Variants in ANXA5 observed in about 807,000 individuals in gnomAD.
ANXA5 encodes CBP-I.
ANXA5 carries 40 observed loss-of-function variants against 48.1 expected under a neutral mutation model. The observed-to-expected ratio is 0.83, with a 90% CI of 0.65 to 1.08. The LOEUF (loss-of-function observed/expected upper bound fraction) is 1.08, where lower values mean the gene tolerates loss of function less well. Among genes scored for constraint, ANXA5 ranks in the 50% least tolerant of loss-of-function variants. ANXA5 has a pLI of 0.00. For missense variants in ANXA5, 357 were observed against 376.8 expected, an observed-to-expected ratio of 0.95 and a Z score of 0.44; for synonymous variants, 113 against 129.1, an observed-to-expected ratio of 0.88 and a Z score of 0.85.
At chr4:121,690,863 A>C (rs964743937) in intron 2 of ANXA5, among the ~76,000 whole-genome samples, 2 of 152,256 alleles carry the variant, frequency 1.3e-5, no homozygotes, top group African/African-American at 4.8e-5. Context: ...AGTCAGAGTC[A>C]TCCACTAAGG....
chr4:121,693,582 T>C (rs546024379), intron 2 of ANXA5, among the ~76,000 whole-genome samples: 1 of 152,350 alleles, frequency 6.6e-6, no homozygotes, highest in East Asian at 1.9e-4. Flanking sequence ...ATCACCTATG[T>C]AGGCCTTCCA....
chr4:121,682,395 A>G (rs976154928), intron 5 of ANXA5, among the ~76,000 whole-genome samples: 1 of 152,124 alleles, frequency 6.6e-6, no homozygotes, highest in African/African-American at 2.4e-5. Flanking sequence ...GATTAAACTA[A>G]GAGATGCAAC....
Position 121,678,468 on chromosome 4 carries a change from C to A in ANXA5, c.421G>T (p.Val141Leu), listed in dbSNP as rs146310531. The A allele has an allele frequency of 1.2e-6, 2 of 1,613,770 alleles. No homozygotes were observed. Among genetic ancestry groups the A allele is most frequent in the South Asian group, 2.2e-5 (2 of 90,998 alleles). ...TAGTACCCTGAAGTGTCCCCCACCA[C>A]GTCATCTTCCAGGCTTGAGCCATAT... ...EEYGSSLEDD[V>L]VGDTSGYYQR... Residue 141 changes from valine to leucine, a missense_variant, in exon 7 of 13, where the codon GTG (valine) becomes TTG (leucine). Coordinates refer to ENST00000296511, the MANE Select transcript of ANXA5 (RefSeq NM_001154.4).
chr4:121,676,680 C>CT (rs534033807), intron 8 of ANXA5, among the ~76,000 whole-genome samples: 4 of 97,816 alleles, frequency 4.1e-5, no homozygotes, highest in South Asian at 3.6e-4. Context: ...AGCCTGGGGG[C>CT]GGGGGGGGGT....
chr4:121,694,056 C>A (rs1279942682), intron 2 of ANXA5, among the ~76,000 whole-genome samples: 1 of 131,548 alleles, frequency 7.6e-6, no homozygotes, highest in Non-Finnish European at 1.6e-5. Context: ...AACACTTGGA[C>A]ACAGAAAGGG....
chr4:121,678,633 G>C, intron 6 of ANXA5, 139 bp from the exon 7 acceptor site: 1 of 734,316 alleles, frequency 1.4e-6, no homozygotes, highest in Non-Finnish European at 2.2e-6. Flanking sequence ...TTCCATCTCT[G>C]AATGCTCTAA....
chr4:121,686,158 G>T, intron 3 of ANXA5, 130 bp downstream of exon 3: 59 of 640,606 alleles, frequency 9.2e-5, no homozygotes, highest in East Asian at 1.7e-4. Flanking sequence ...GTATTATTTT[G>T]TTATCTTAAC....
intron 11 of ANXA5, 96 bp downstream of exon 11, chr4:121,669,858 A>C: frequency 6.9e-7 from 1 of 1,452,164 alleles, no homozygotes; most frequent in Non-Finnish European, 9.5e-7. Flanking sequence ...TAAGGGAAAA[A>C]TTCCCAAGGT....
intron 10 of ANXA5, among the ~76,000 whole-genome samples, chr4:121,671,064 T>A (rs1270185458): frequency 6.6e-6 from 1 of 152,228 alleles, no homozygotes. Flanking sequence ...TCTGAATATT[T>A]AATTAAAATA....
chr4:121,677,963 A>T lies in ANXA5; in HGVS notation c.475-13T>A, dbSNP rs756777843. On this transcript the variant is annotated splice_polypyrimidine_tract_variant and intron_variant, in intron 7 of 12. Coordinates refer to ENST00000296511, the MANE Select transcript of ANXA5 (RefSeq NM_001154.4). ...GGTCTCTGTTAGCCTATGAGAGGTA[A>T]TATGTCACATTACTGAACTATAGAG... The T allele has an allele frequency of 6.2e-7, 1 of 1,610,696 alleles. No homozygotes were observed. The highest frequency in any genetic ancestry group is 1.3e-5 in the African/African-American group (1 of 74,842).
intron 1 of ANXA5, 68 bp from the exon 2 acceptor site, chr4:121,696,692 C>A: frequency 9.1e-7 from 1 of 1,095,132 alleles, no homozygotes; most frequent in South Asian, 3.7e-5. Flanking sequence ...AAGCGCAGGT[C>A]CGCGGGGACC....
intron 2 of ANXA5, among the ~76,000 whole-genome samples, chr4:121,687,512 G>A (rs1724913550): frequency 6.6e-6 from 1 of 152,046 alleles, no homozygotes; most frequent in South Asian, 2.1e-4. Flanking sequence ...AGCTAGCCTC[G>A]TTTACAATCT....
intron 9 of ANXA5, among the ~76,000 whole-genome samples, chr4:121,672,320 A>C (rs1244163312): frequency 6.6e-6 from 1 of 152,202 alleles, no homozygotes; most frequent in Admixed American, 6.5e-5. Context: ...GCCATCCTCC[A>C]ATAGTGAAGG....
At chr4:121,672,402 C>T in intron 9 of ANXA5, 131 bp downstream of exon 9, 1 of 636,692 alleles carries the variant, frequency 1.6e-6, no homozygotes. Context: ...CTCCAGGTCA[C>T]CAAAAGGAAG....
chr4:121,680,786 C>T (rs188245437), intron 6 of ANXA5, among the ~76,000 whole-genome samples: 151 of 152,272 alleles, frequency 9.9e-4, no homozygotes, highest in African/African-American at 3.5e-3. Flanking sequence ...TCACTTCTGC[C>T]TTAGCGGTTG....
Position 121,688,537 on chromosome 4 carries a change from T to C in ANXA5, c.10-2165A>G, listed in dbSNP as rs148000755. Among the ~76,000 whole-genome samples, 357 of 152,316 alleles carry C rather than the reference T, an allele frequency of 2.3e-3. 3 individuals are homozygous for C. The highest frequency in any genetic ancestry group is 8.0e-3 in the African/African-American group (331 of 41,562). On this transcript the variant is annotated intron_variant, in intron 2 of 12. Coordinates refer to ENST00000296511, the MANE Select transcript of ANXA5 (RefSeq NM_001154.4). ...AACAGTCATGACTTACATTGTAGTA[T>C]TCTTGACTGAGGTCTTCCTTACCAC...
intron 2 of ANXA5, 126 bp downstream of exon 2, chr4:121,696,455 G>T: frequency 2.3e-6 from 2 of 863,820 alleles, no homozygotes; most frequent in East Asian, 3.3e-5. Context: ...AAGTGGAAGC[G>T]ATGTCCCCAA....
chr4:121,684,829 TCTTGGCA>T, intron 3 of ANXA5, 58 bp from the exon 4 acceptor site: 1 of 1,331,444 alleles, frequency 7.5e-7, no homozygotes, highest in Middle Eastern at 1.8e-4. Context: ...CTCCCAACGA[TCTTGGCA>T]ACTCGCTTCC....
At chr4:121,686,170 T>C (rs1031769160) in intron 3 of ANXA5, 118 bp downstream of exon 3, 3 of 767,486 alleles carry the variant, frequency 3.9e-6, no homozygotes. Context: ...TATCTTAACA[T>C]ATCTCTTCTC....
Sources: gnomAD v4.1 joint callset for allele counts (sites outside exome capture counted in the v4.1 genomes callset) on GRCh38, gnomAD v4.1.1 for gene constraint, MANE v1.5 for transcripts, NCBI Gene and HGNC (gene_info 2026-07-23, HGNC 2026-07-21) for gene names.